SKAP1: variants seen among roughly 807,000 people sequenced by gnomAD.
SKAP1 encodes the protein src kinase associated phosphoprotein 1.
SKAP1 carries 44 observed loss-of-function variants against 58.5 expected under a neutral mutation model. That is an observed-to-expected ratio of 0.75 (90% CI 0.59 to 0.97). The LOEUF (loss-of-function observed/expected upper bound fraction) is 0.97. Among genes scored for constraint, SKAP1 ranks in the 50% least tolerant of loss-of-function variants. The pLI, the probability that SKAP1 is intolerant of heterozygous loss-of-function variation, is 0.00. For synonymous variants in SKAP1, 127 were observed against 149.7 expected, an observed-to-expected ratio of 0.85 and a Z score of 1.11; for missense variants, 390 against 435.2, an observed-to-expected ratio of 0.90 and a Z score of 0.92.
At chr17:48,369,817 T>G (rs2067060322) in intron 2 of SKAP1, among the ~76,000 whole-genome samples, 1 of 152,164 alleles carries the variant, frequency 6.6e-6, no homozygotes, top group South Asian at 2.1e-4. Context: ...CCACCAACAA[T>G]CAGTTTCAGA....
intron 4 of SKAP1, among the ~76,000 whole-genome samples, chr17:48,221,316 G>T (rs139026799): frequency 5.3e-5 from 8 of 151,980 alleles, no homozygotes; most frequent in Non-Finnish European, 1.0e-4. Context: ...TATGATTTGC[G>T]CATTTTTCTG....
intron 4 of SKAP1, among the ~76,000 whole-genome samples, chr17:48,299,579 T>C (rs905914795): frequency 6.6e-6 from 1 of 152,166 alleles, no homozygotes; most frequent in Admixed American, 6.5e-5. Flanking sequence ...TATGTGTGTG[T>C]GTGTGTGATT....
At chr17:48,213,318 C>T (rs2064897391) in intron 4 of SKAP1, among the ~76,000 whole-genome samples, 1 of 147,434 alleles carries the variant, frequency 6.8e-6, no homozygotes, top group Non-Finnish European at 1.5e-5. Context: ...CCATTGCACT[C>T]CAGCCTGGGC....
chr17:48,301,416 C>T (rs992699248), intron 4 of SKAP1, among the ~76,000 whole-genome samples: 2 of 152,126 alleles, frequency 1.3e-5, no homozygotes, highest in African/African-American at 4.8e-5. Context: ...TTATGCATTG[C>T]ACATGGTAGA....
rs547477892 is a variant in SKAP1, at chr17:48,381,652, A to AT, written c.152+15027dup. Among the ~76,000 whole-genome samples, 85 of 152,294 alleles carry AT rather than the reference A, an allele frequency of 5.6e-4. 1 individual carries two copies. Among genetic ancestry groups the AT allele is most frequent in the Admixed American group, 1.4e-3 (21 of 15,294 alleles). ...CTTGAATTACAGTTATTTGTGCAGGATTTTTTTATCTTTCCCATGAGGTTA... is the reference window on the plus strand; with the variant it reads ...CTTGAATTACAGTTATTTGTGCAGGATTTTTTTTATCTTTCCCATGAGGTTA... On this transcript the variant is annotated intron_variant, in intron 2 of 12. Coordinates refer to ENST00000336915, the MANE Select transcript of SKAP1 (RefSeq NM_003726.4).
At chr17:48,137,862 G>C (rs1214023412) in intron 11 of SKAP1, among the ~76,000 whole-genome samples, 1 of 152,214 alleles carries the variant, frequency 6.6e-6, no homozygotes, top group Non-Finnish European at 1.5e-5. Flanking sequence ...TGGTCATTTA[G>C]TAGTCACATG....
At chr17:48,377,668 T>C (rs187243349) in intron 2 of SKAP1, among the ~76,000 whole-genome samples, 2 of 152,110 alleles carry the variant, frequency 1.3e-5, no homozygotes, top group Non-Finnish European at 1.5e-5. Flanking sequence ...TTTCCAGATA[T>C]ACAAACAGAG....
chr17:48,340,563 G>C (rs2066637741), intron 4 of SKAP1, among the ~76,000 whole-genome samples: 1 of 152,018 alleles, frequency 6.6e-6, no homozygotes, highest in Non-Finnish European at 1.5e-5. Flanking sequence ...CAGCTACAAA[G>C]GAAGTCTCAA....
chr17:48,207,794 G>C (rs964587872), intron 4 of SKAP1, among the ~76,000 whole-genome samples: 1 of 152,164 alleles, frequency 6.6e-6, no homozygotes, highest in African/African-American at 2.4e-5. Context: ...AATTTACAAA[G>C]TATTATTGTA....
At chr17:48,272,208 A>C (rs1598494795) in intron 4 of SKAP1, among the ~76,000 whole-genome samples, 1 of 151,320 alleles carries the variant, frequency 6.6e-6, no homozygotes, top group South Asian at 2.1e-4. Context: ...ATCTCAGCTC[A>C]GTGCAATCTG....
Position 48,329,521 on chromosome 17 carries a change from A to G in SKAP1, c.280+16384T>C, listed in dbSNP as rs928609987. 3.9e-5 allele frequency among the ~76,000 whole-genome samples: 6 copies of G among 152,354 alleles called. No individual in the cohort carries two copies. The East Asian group carries it at 5.8e-4, about 15-fold the overall frequency. On this transcript the variant is annotated intron_variant, in intron 4 of 12. Transcript: ENST00000336915. The stretch of plus-strand genomic sequence containing the variant: ...GGAGTTCGAGATCAGCCTGGCCAAC[A>G]TGGTGAAACCCTGTCTCTACTAAAA...
intron 4 of SKAP1, among the ~76,000 whole-genome samples, chr17:48,280,894 T>C (rs1038349678): frequency 6.6e-6 from 1 of 152,236 alleles, no homozygotes; most frequent in Non-Finnish European, 1.5e-5. Context: ...GTTTATCTAC[T>C]CACCAGTTGA....
chr17:48,200,698 T>C (rs1030890371), intron 4 of SKAP1, among the ~76,000 whole-genome samples: 1 of 152,150 alleles, frequency 6.6e-6, no homozygotes, highest in African/African-American at 2.4e-5. Context: ...CTTTAATTAG[T>C]TGTTGAACTG....
chr17:48,245,803 C>T (rs1399548501), intron 4 of SKAP1, among the ~76,000 whole-genome samples: 1 of 152,138 alleles, frequency 6.6e-6, no homozygotes, highest in African/African-American at 2.4e-5. Context: ...GGGTGAAACC[C>T]TGTCTCTACT....
At chr17:48,187,576 T>C (rs1419222869) in intron 6 of SKAP1, among the ~76,000 whole-genome samples, 1 of 152,224 alleles carries the variant, frequency 6.6e-6, no homozygotes, top group Non-Finnish European at 1.5e-5. Flanking sequence ...CATTCAACTT[T>C]GATAATGTGT....
chr17:48,287,521 T>C lies in SKAP1; in HGVS notation c.280+58384A>G, dbSNP rs554342801. Among the ~76,000 whole-genome samples, 6 of 152,226 alleles carry C rather than the reference T, an allele frequency of 3.9e-5. No homozygotes were observed. The East Asian group carries it at 1.2e-3, about 29-fold the overall frequency. On this transcript the variant is annotated intron_variant, in intron 4 of 12. Transcript: ENST00000336915. ...GGTATAATTCAAAGCAGAAACATAGTTCCTACTAGGCACAGAAATTTTTGG... is the reference window on the plus strand; with the variant it reads ...GGTATAATTCAAAGCAGAAACATAGCTCCTACTAGGCACAGAAATTTTTGG...
chr17:48,362,220 A>G (rs550656806), intron 3 of SKAP1, among the ~76,000 whole-genome samples: 2 of 152,374 alleles, frequency 1.3e-5, no homozygotes, highest in East Asian at 3.9e-4. Context: ...TTATGTTGAA[A>G]GATGACTGCA....
At chr17:48,279,169 C>A (rs1171970762) in intron 4 of SKAP1, among the ~76,000 whole-genome samples, 1 of 152,132 alleles carries the variant, frequency 6.6e-6, no homozygotes, top group East Asian at 1.9e-4. Context: ...CCACACACTT[C>A]TCTGCCAAAA....
At chr17:48,134,046 C>T (rs1433222014) in intron 12 of SKAP1, among the ~76,000 whole-genome samples, 1 of 148,760 alleles carries the variant, frequency 6.7e-6, no homozygotes, top group African/African-American at 2.6e-5. Context: ...AATTTGGCTC[C>T]CATTCTTTGC....
Sources: allele counts gnomAD v4.1 joint callset (sites outside exome capture counted in the v4.1 genomes callset), GRCh38; gene constraint gnomAD v4.1.1; transcripts MANE v1.5; gene names NCBI Gene and HGNC (gene_info 2026-07-23, HGNC 2026-07-21).